C8orf76: variants seen among roughly 807,000 people sequenced by gnomAD.
C8orf76 encodes the protein uncharacterized protein C8orf76.
Under a neutral mutation model 38.1 loss-of-function variants are expected in C8orf76, and 46 were observed. The observed-to-expected ratio is 1.21, with a 90% CI of 0.95 to 1.54. The LOEUF (loss-of-function observed/expected upper bound fraction) is 1.54. Among genes scored for constraint, C8orf76 ranks in the 40% most tolerant of loss-of-function variants. C8orf76 has a pLI of 0.00. For missense variants in C8orf76, 461 were observed against 441.6 expected (o/e 1.04, Z -0.39); for synonymous variants, 166 against 167.5 (o/e 0.99, Z 0.07).
chr8:123,239,060 G>C lies in C8orf76; in HGVS notation c.202C>G (p.Gln68Glu). ...KFKGDLAYRRQEYQKALQEYS... is the reference protein window; with the variant it reads ...KFKGDLAYRREEYQKALQEYS... ...ATGTTGAATTCTACCTGATACTCTT[G>C]TCGTCTGTAGGCCAGGTCTCCTTTG... The change falls in exon 2 of 6, where the codon CAA (glutamine) becomes GAA (glutamate). Residue 68 changes from glutamine to glutamate, a missense_variant. Transcript: ENST00000276704. The C allele has an allele frequency of 6.2e-7, 1 of 1,614,032 alleles. No homozygotes were observed. Among genetic ancestry groups the C allele is most frequent in the Non-Finnish European group, 8.5e-7 (1 of 1,179,970 alleles).
rs1475384565 is a variant in C8orf76 at position 123,226,313 on chromosome 8, GC to G, written c.948+186del. On this transcript the variant is annotated intron_variant, in intron 5 of 5. Coordinates refer to ENST00000276704, the MANE Select transcript of C8orf76 (RefSeq NM_032847.3). The stretch of plus-strand genomic sequence containing the variant: ...CATGAAACACAGCCCCTGCGGTCCC[GC>G]ACGCTGCAGGGGAATGCCGATCAAG... The G allele has an allele frequency of 3.5e-6, 5 of 1,431,650 alleles. No homozygotes were observed. In the East Asian group the frequency reaches 1.3e-4, roughly 38 times the overall value. 88.7% of individuals were successfully genotyped at this position (1,431,650 alleles called of 1,614,324 possible). A position where few individuals can be genotyped will look rare whatever the true frequency, so the allele number is the denominator to read the frequency against.
chr8:123,238,717 C>T (rs1825581691), intron 2 of C8orf76: 1 of 182,032 alleles, frequency 5.5e-6, no homozygotes, highest in Non-Finnish European at 1.2e-5. Context: ...AGTTCTTTTT[C>T]TTATACATTT....
intron 2 of C8orf76, among the ~76,000 whole-genome samples, chr8:123,238,209 G>T (rs900652340): frequency 2.6e-5 from 4 of 152,114 alleles, no homozygotes; most frequent in African/African-American, 9.7e-5. Context: ...CTGAATCATG[G>T]GGGTGGGTTT....
At chr8:123,241,099 G>A (rs1825668599) in intron 1 of C8orf76, 131 bp downstream of exon 1, 5 of 899,894 alleles carry the variant, frequency 5.6e-6, no homozygotes, top group Non-Finnish European at 7.8e-6. Flanking sequence ...GGGACGGCGG[G>A]GGACGCGGCG....
chr8:123,232,131 C>G (rs1030726265), intron 3 of C8orf76, among the ~76,000 whole-genome samples: 2 of 152,198 alleles, frequency 1.3e-5, no homozygotes, highest in African/African-American at 4.8e-5. Flanking sequence ...TTCTTAGATC[C>G]TGGCCTAATG....
At chr8:123,222,990 T>C (rs934302560) in intron 5 of C8orf76, among the ~76,000 whole-genome samples, 1 of 152,236 alleles carries the variant, frequency 6.6e-6, no homozygotes, top group East Asian at 1.9e-4. Context: ...AGCGATTCTA[T>C]TTCTAATAAT....
At chr8:123,233,968 C>T (rs1055748524) in intron 3 of C8orf76, among the ~76,000 whole-genome samples, 5 of 150,266 alleles carry the variant, frequency 3.3e-5, no homozygotes, top group Admixed American at 2.7e-4. Context: ...GCAGAGCTTG[C>T]AGTGAGCCAA....
In C8orf76 at chr8:123,231,359, CTT is replaced by C; in HGVS notation, c.754_755del (p.Lys252GlufsTer46). On this transcript the variant is annotated frameshift_variant, in exon 4 of 6. Transcript: ENST00000276704. LOFTEE classifies it high-confidence loss of function. ...LTNIQNCMAE[K>X]RETVLIETQL... Reference sequence around the variant, plus strand: ...GAGTCTCTATCAACACTGTTTCTCTCTTTTCTGCCATACAGTTTTGGATATTT... The same window carrying C: ...GAGTCTCTATCAACACTGTTTCTCTCTTCTGCCATACAGTTTTGGATATTT... 6.2e-7 allele frequency: 1 copy of C among 1,614,124 alleles called. No individual in the cohort carries two copies. The highest frequency in any genetic ancestry group is 8.5e-7 in the Non-Finnish European group (1 of 1,180,028).
intron 4 of C8orf76, among the ~76,000 whole-genome samples, chr8:123,227,442 G>A (rs994713433): frequency 2.0e-5 from 3 of 152,114 alleles, no homozygotes; most frequent in Admixed American, 6.6e-5. Context: ...ATGGAAGGAG[G>A]GAGATAGCAC....
At chr8:123,226,961 A>G (rs995830214) in intron 4 of C8orf76, among the ~76,000 whole-genome samples, 1 of 152,192 alleles carries the variant, frequency 6.6e-6, no homozygotes, top group African/African-American at 2.4e-5. Context: ...TTGAAAGGAT[A>G]AGTAATTTGG....
intron 3 of C8orf76, among the ~76,000 whole-genome samples, chr8:123,234,072 A>G (rs1825374498): frequency 1.3e-5 from 2 of 152,038 alleles, no homozygotes; most frequent in South Asian, 2.1e-4. Flanking sequence ...TGATTTTTCC[A>G]GAATACTGCA....
rs188902197 is a variant in C8orf76 at position 123,220,490 on chromosome 8, G to A, written c.949-193C>T. On this transcript the variant is annotated intron_variant, in intron 5 of 5. Coordinates refer to ENST00000276704, the MANE Select transcript of C8orf76 (RefSeq NM_032847.3). ...TGGCCATACCACCCTGACTGTGCCC[G>A]ATCTTATCTGATCTCAGAAGTAGTT... 8.9e-3 allele frequency among the ~76,000 whole-genome samples: 1,355 copies of A among 152,200 alleles called. 18 individuals are homozygous for A. Among genetic ancestry groups the A allele is most frequent in the African/African-American group, 0.031 (1,295 of 41,476 alleles).
intron 5 of C8orf76, among the ~76,000 whole-genome samples, chr8:123,225,419 T>C (rs1825010132): frequency 6.6e-6 from 1 of 152,152 alleles, no homozygotes; most frequent in African/African-American, 2.4e-5. Context: ...GAGATGAGAC[T>C]AGAGATAAAG....
At chr8:123,232,519 C>G (rs964610703) in intron 3 of C8orf76, among the ~76,000 whole-genome samples, 1 of 152,184 alleles carries the variant, frequency 6.6e-6, no homozygotes, top group Admixed American at 6.6e-5. Context: ...CTCAAATTAC[C>G]TTCAAGTTGA....
At chr8:123,239,826 CTACT>C (rs1264046346) in intron 1 of C8orf76, 3 of 151,844 alleles carry the variant, frequency 2.0e-5, no homozygotes, top group Non-Finnish European at 2.9e-5. Context: ...AACCCTGTCT[CTACT>C]AAAAATACAA....
chr8:123,228,945 C>T (rs1825140730), intron 4 of C8orf76, among the ~76,000 whole-genome samples: 1 of 152,202 alleles, frequency 6.6e-6, no homozygotes, highest in African/African-American at 2.4e-5. Context: ...TGTGCAAGGT[C>T]AGACCGCTTG....
At chr8:123,239,781 G>C (rs1474999095) in intron 1 of C8orf76, 1 of 152,044 alleles carries the variant, frequency 6.6e-6, no homozygotes, top group African/African-American at 2.4e-5. Context: ...TTGAGGTTAG[G>C]AGTTTGAGAC....
intron 5 of C8orf76, among the ~76,000 whole-genome samples, chr8:123,225,729 C>G (rs1312000011): frequency 6.6e-6 from 1 of 152,060 alleles, no homozygotes; most frequent in African/African-American, 2.4e-5. Context: ...GAGTTCAAGA[C>G]AGACTGGCCA....
chr8:123,226,364 G>A, intron 5 of C8orf76, 136 bp downstream of exon 5: 1 of 1,495,688 alleles, frequency 6.7e-7, no homozygotes, highest in Non-Finnish European at 8.8e-7. Context: ...ATTGCTGAGT[G>A]ATCAAAAGGC....
Sources: allele counts gnomAD v4.1 joint callset (sites outside exome capture counted in the v4.1 genomes callset), GRCh38; gene constraint gnomAD v4.1.1; transcripts MANE v1.5; gene names NCBI Gene and HGNC (gene_info 2026-07-23, HGNC 2026-07-21).